Variants in POLR1G observed in about 807,000 individuals in gnomAD.
POLR1G encodes DNA-directed RNA polymerase I subunit RPA34.
POLR1G carries 9 observed loss-of-function variants against 6.3 expected under a neutral mutation model. The ratio of observed to expected loss-of-function variants is 1.44; its 90% CI spans 0.87 to 2.51. The LOEUF (loss-of-function observed/expected upper bound fraction) is 2.51. Among genes scored for constraint, POLR1G ranks in the 30% most tolerant of loss-of-function variants. The pLI is 0.00. For missense variants in POLR1G, 617 were observed against 632.5 expected (o/e 0.98, Z 0.26); for synonymous variants, 248 against 256.5 (o/e 0.97, Z 0.32).
chr19:45,408,306 G>T lies in POLR1G; in HGVS notation c.338G>T (p.Gly113Val), dbSNP rs370128975. Residue 113 changes from glycine (G) to valine (V), a missense_variant, in exon 3 of 3, where the codon GGC (glycine) becomes GTC (valine). Coordinates refer to ENST00000309424, the MANE Select transcript of POLR1G (RefSeq NM_012099.3). ...CTCACCTGTGCCTCAGCCCCCCAGG[G>T]CACCCTAAGGATCCTTGAGGGTCCC... Reference protein sequence around the residue: ...GGLTCASAPQGTLRILEGPQQ... With the variant: ...GGLTCASAPQVTLRILEGPQQ... 3.1e-6 allele frequency: 5 copies of T among 1,612,702 alleles called. No homozygotes were observed. Among genetic ancestry groups the T allele is most frequent in the African/African-American group, 1.3e-5 (1 of 74,906 alleles).
In POLR1G at chr19:45,409,680, G is replaced by C. The variant is rs968270019; in HGVS notation, c.*179G>C. On this transcript the variant is annotated 3_prime_UTR_variant, in exon 3 of 3. Transcript: ENST00000309424. ...TTCCTTGGCAGCTGGGGTCATCAGG[G>C]TACTTTCAAGAAGGGCTCGTGCAGG... 3 of 1,153,366 alleles carry C rather than the reference G, an allele frequency of 2.6e-6. No individual in the cohort carries two copies. The highest frequency in any genetic ancestry group is 3.9e-6 in the Non-Finnish European group (3 of 759,640). The allele number at this position is 1,153,366 out of a possible 1,614,324, so 71.4% of individuals were successfully genotyped here.
chr19:45,407,309 A>G (rs1002901802), intron 2 of POLR1G, 74 bp downstream of exon 2: 11 of 1,427,514 alleles, frequency 7.7e-6, no homozygotes, highest in African/African-American at 1.4e-5. Flanking sequence ...TTGTCACAGG[A>G]AAGAATTAGA....
At position 45,408,651 on chromosome 19, in the gene POLR1G, G is replaced by A. The variant is rs901323864; in HGVS notation, c.683G>A (p.Gly228Glu). ...NQQLKEPEAA[G>E]PVGTEPTVET... ...CAGCTGAAAGAACCAGAGGCAGCAG[G>A]GCCTGTGGGGACAGAGCCCACAGTG... The change falls in exon 3 of 3, where the codon GGG becomes GAG. Residue 228 changes from glycine (G) to glutamate (E), a missense_variant. Coordinates refer to ENST00000309424, the MANE Select transcript of POLR1G (RefSeq NM_012099.3). The A allele has an allele frequency of 1.9e-6, 3 of 1,613,680 alleles. No individual in the cohort carries two copies. Among genetic ancestry groups the A allele is most frequent in the Non-Finnish European group, 2.5e-6 (3 of 1,179,988 alleles).
At position 45,409,128 on chromosome 19, in the gene POLR1G, C is replaced by A. The variant is rs763442500; in HGVS notation, c.1160C>A (p.Thr387Lys). 3.7e-6 allele frequency: 6 copies of A among 1,612,914 alleles called. No individual in the cohort carries two copies. The highest frequency in any genetic ancestry group is 5.1e-6 in the Non-Finnish European group (6 of 1,179,324). Residue 387 changes from threonine to lysine, a missense_variant, in exon 3 of 3, where the codon ACG becomes AAG. Thr to Lys is a moderately conservative substitution (Grantham distance 78). Transcript: ENST00000309424. Reference sequence around the variant, plus strand: ...GCTCTGGCAGCTCCCAAAAAGAAGACGAAGAAAGAAAAACAGCAAGATGCC... The same window carrying A: ...GCTCTGGCAGCTCCCAAAAAGAAGAAGAAGAAAGAAAAACAGCAAGATGCC... ...QAALAAPKKK[T>K]KKEKQQDATV... is the part of the protein sequence containing the mutation.
In POLR1G at chr19:45,410,705, T is replaced by C. The variant is rs1387003197; in HGVS notation, c.*1204T>C. On this transcript the variant is annotated 3_prime_UTR_variant, in exon 3 of 3. Transcript: ENST00000309424. ...CCATGAGTTCAATTGTTTTGATTTTTAGATACACAAATAAATAAGAACATG... is the reference window on the plus strand; with the variant it reads ...CCATGAGTTCAATTGTTTTGATTTTCAGATACACAAATAAATAAGAACATG... 1 of 152,108 alleles carries C rather than the reference T, an allele frequency of 6.6e-6. No individual in the cohort carries two copies. Among genetic ancestry groups the C allele is most frequent in the African/African-American group, 2.4e-5 (1 of 41,416 alleles). The allele number at this position is 152,108 out of a possible 1,614,324, so 9.4% of individuals were successfully genotyped here. A position where few individuals can be genotyped will look rare whatever the true frequency, so the allele number is the denominator to read the frequency against.
chr19:45,407,068 C>A, intron 1 of POLR1G, 26 bp from the exon 2 acceptor site: 2 of 1,579,934 alleles, frequency 1.3e-6, no homozygotes, highest in South Asian at 1.2e-5. Context: ...AGGTGTCAGT[C>A]GACCCCATTT....
chr19:45,406,867 G>A lies in POLR1G; in HGVS notation c.22+149G>A. 2.0e-6 allele frequency: 2 copies of A among 988,216 alleles called. No homozygotes were observed. Among genetic ancestry groups the A allele is most frequent in the South Asian group, 1.7e-5 (1 of 57,210 alleles). The allele number at this position is 988,216 out of a possible 1,614,324, so 61.2% of individuals were successfully genotyped here. ...CAGTGGGCGAACGGGAATTCGAACG[G>A]AGAGAGGGTTATCTTGTGGGGGGCT... On this transcript the variant is annotated intron_variant, in intron 1 of 2. Coordinates refer to ENST00000309424, the MANE Select transcript of POLR1G (RefSeq NM_012099.3). This position sits in a 1 kb window ranked among gnomAD's most constrained non-coding sequence, Gnocchi z 4.2.
At position 45,409,149 on chromosome 19, in the gene POLR1G, A is replaced by G; in HGVS notation, c.1181A>G (p.Asp394Gly). The G allele has an allele frequency of 6.2e-7, 1 of 1,613,090 alleles. No homozygotes were observed. Among genetic ancestry groups the G allele is most frequent in the Non-Finnish European group, 8.5e-7 (1 of 1,179,362 alleles). ...KKKTKKEKQQ[D>G]ATVEPETEVV... ...AAGACGAAGAAAGAAAAACAGCAAG[A>G]TGCCACAGTGGAGCCAGAGACAGAG... Residue 394 changes from aspartate (D) to glycine (G), a missense_variant, in exon 3 of 3, where the codon GAT becomes GGT. Physicochemically the swap from Asp to Gly is moderately conservative, Grantham distance 94. Transcript: ENST00000309424.
intron 2 of POLR1G, chr19:45,407,628 G>T: frequency 3.6e-6 from 1 of 274,014 alleles, no homozygotes; most frequent in East Asian, 6.1e-5. Context: ...AACATGTTCT[G>T]TATGGCCATA....
Position 45,409,895 on chromosome 19 carries a change from ATTTTTTT to A in POLR1G, c.*402_*408del, listed in dbSNP as rs57573120. 5.9e-6 allele frequency: 1 copy of A among 169,606 alleles called. No homozygotes were observed. Among genetic ancestry groups the A allele is most frequent in the Non-Finnish European group, 1.1e-5 (1 of 90,036 alleles). The allele number at this position is 169,606 out of a possible 1,614,324, so 10.5% of individuals were successfully genotyped here. ...TTTTTAAGTTATTATTATTATTATT[ATTTTTTT>A]TTTTTTTGAGATGGAGTCTCGCTCT... is the stretch of plus-strand genomic sequence containing the variant. On this transcript the variant is annotated 3_prime_UTR_variant, in exon 3 of 3. Transcript: ENST00000309424.
chr19:45,407,392 G>C, intron 2 of POLR1G, 157 bp downstream of exon 2: 1 of 647,984 alleles, frequency 1.5e-6, no homozygotes, highest in Admixed American at 3.5e-5. Context: ...AGTGTCCTCA[G>C]AAAGCAGGGG....
rs770853929 is a variant in POLR1G, at chr19:45,409,377, G to A, written c.1409G>A (p.Ser470Asn). The change falls in exon 3 of 3, where the codon AGC becomes AAC. Residue 470 changes from serine to asparagine, a missense_variant. By Grantham distance (46) the Ser-to-Asn change is conservative. Transcript: ENST00000309424. ...TKKRKKQSQE[S>N]RMPETVPQEE... ...AAGAGGAAGAAGCAGAGTCAGGAAA[G>A]CCGGATGCCAGAGACAGTGCCCCAA... is the stretch of plus-strand genomic sequence containing the variant. 1 of 1,614,120 alleles carries A rather than the reference G, an allele frequency of 6.2e-7. No homozygotes were observed. Among genetic ancestry groups the A allele is most frequent in the South Asian group, 1.1e-5 (1 of 91,064 alleles).
chr19:45,408,472 C>T lies in POLR1G; in HGVS notation c.504C>T (p.Asn168=). The change falls in exon 3 of 3, where the codon AAC becomes AAT. Residue 168 remains asparagine, a synonymous_variant. Coordinates refer to ENST00000309424, the MANE Select transcript of POLR1G (RefSeq NM_012099.3). Reference sequence around the variant, plus strand: ...GGCCTAGGTCAGCCTTGGCCCCCAACCTGCTCACCTCAGGGAAGAAGAAAA... The same window carrying T: ...GGCCTAGGTCAGCCTTGGCCCCCAATCTGCTCACCTCAGGGAAGAAGAAAA... ...VTGPRSALAP[N]LLTSGKKKKE... The T allele has an allele frequency of 6.2e-7, 1 of 1,613,920 alleles. No homozygotes were observed. Among genetic ancestry groups the T allele is most frequent in the South Asian group, 1.1e-5 (1 of 91,076 alleles).
chr19:45,409,951 G>GCGCAATCT lies in POLR1G; in HGVS notation c.*453_*460dup, dbSNP rs1973607773. On this transcript the variant is annotated 3_prime_UTR_variant, in exon 3 of 3. Transcript: ENST00000309424. Reference sequence around the variant, plus strand: ...CTGTCGCCCAGGTTGGAGTGCAGTGGCGCAATCTCGGCTCACTGCAAGCTC... The same window carrying GCGCAATCT: ...CTGTCGCCCAGGTTGGAGTGCAGTGGCGCAATCTCGCAATCTCGGCTCACTGCAAGCTC... 1 of 189,494 alleles carries GCGCAATCT rather than the reference G, an allele frequency of 5.3e-6. No homozygotes were observed. The highest frequency in any genetic ancestry group is 1.0e-5 in the Non-Finnish European group (1 of 97,570). The allele number at this position is 189,494 out of a possible 1,614,324, so 11.7% of individuals were successfully genotyped here.
At chr19:45,407,427 T>C (rs1406486800) in intron 2 of POLR1G, 192 bp downstream of exon 2, 1 of 562,326 alleles carries the variant, frequency 1.8e-6, no homozygotes, top group African/African-American at 2.0e-5. Context: ...CCTTTGTTAG[T>C]ATTTCTACTT....
In POLR1G at chr19:45,406,747, G is replaced by A; in HGVS notation, c.22+29G>A. ...AGGGTGCGGGTTGACGGGGTGCGGAGGGTGCGTTGGTGGAAGGAGAAAGGG... is the reference window on the plus strand; with the variant it reads ...AGGGTGCGGGTTGACGGGGTGCGGAAGGTGCGTTGGTGGAAGGAGAAAGGG... On this transcript the variant is annotated intron_variant, in intron 1 of 2. Transcript: ENST00000309424. This position sits in a 1 kb window ranked among gnomAD's most constrained non-coding sequence, Gnocchi z 4.2. 6.6e-7 allele frequency: 1 copy of A among 1,514,960 alleles called. No homozygotes were observed. The highest frequency in any genetic ancestry group is 8.8e-7 in the Non-Finnish European group (1 of 1,135,084). 93.8% of individuals were successfully genotyped at this position (1,514,960 alleles called of 1,614,324 possible).
In POLR1G at chr19:45,406,917, A is replaced by T; in HGVS notation, c.23-177A>T. 1 of 1,007,406 alleles carries T rather than the reference A, an allele frequency of 9.9e-7. No individual in the cohort carries two copies. Among genetic ancestry groups the T allele is most frequent in the Non-Finnish European group, 1.4e-6 (1 of 706,480 alleles). The allele number at this position is 1,007,406 out of a possible 1,614,324, so 62.4% of individuals were successfully genotyped here. A position where few individuals can be genotyped will look rare whatever the true frequency, so the allele number is the denominator to read the frequency against. ...TACCCGTGGAGAGCAAGGCGCCCCC[A>T]GGGGTTGGATCGGTGAAATTGAGGT... On this transcript the variant is annotated intron_variant, in intron 1 of 2. Transcript: ENST00000309424. The surrounding 1 kb of genome is among the most constrained non-coding windows in gnomAD (Gnocchi z 4.2).
At position 45,408,252 on chromosome 19, in the gene POLR1G, T is replaced by C; in HGVS notation, c.284T>C (p.Leu95Pro). ...CCCCAAGCTGGAGAAGCGACCCTGC[T>C]GGCCCCCTCAACGGAGGCAGGAGGT... Reference protein sequence around the residue: ...SCPQAGEATLLAPSTEAGGGL... With the variant: ...SCPQAGEATLPAPSTEAGGGL... The change falls in exon 3 of 3, where the codon CTG (leucine) becomes CCG (proline). Residue 95 changes from leucine to proline, a missense_variant. Transcript: ENST00000309424. 2 of 1,614,112 alleles carry C rather than the reference T, an allele frequency of 1.2e-6. No individual in the cohort carries two copies. Among genetic ancestry groups the C allele is most frequent in the Non-Finnish European group, 8.5e-7 (1 of 1,180,006 alleles).
chr19:45,409,897 T>TATTA lies in POLR1G; in HGVS notation c.*396_*397insATTA, dbSNP rs59818252. ...TTTAAGTTATTATTATTATTATTAT[T>TATTA]TTTTTTTTTTTTGAGATGGAGTCTC... On this transcript the variant is annotated 3_prime_UTR_variant, in exon 3 of 3. Transcript: ENST00000309424. 4,202 of 235,706 alleles carry TATTA rather than the reference T, an allele frequency of 0.018. 97 individuals carry two copies. Among genetic ancestry groups the TATTA allele is most frequent in the African/African-American group, 0.08 (2,537 of 31,630 alleles). 14.6% of individuals were successfully genotyped at this position (235,706 alleles called of 1,614,324 possible). A position where few individuals can be genotyped will look rare whatever the true frequency, so the allele number is the denominator to read the frequency against.
Sources: allele counts gnomAD v4.1 joint callset, GRCh38; gene constraint gnomAD v4.1.1; non-coding constraint Gnocchi (gnomAD v3.1); transcripts MANE v1.5; gene names NCBI Gene and HGNC (gene_info 2026-07-23, HGNC 2026-07-21).